DENND1B: variants seen among roughly 807,000 people sequenced by gnomAD.
The protein encoded by DENND1B is DENN domain-containing protein 1B.
In DENND1B, 59 loss-of-function variants were observed where a neutral mutation model predicts 90.1. The ratio of observed to expected loss-of-function variants is 0.65; its 90% CI spans 0.53 to 0.81. The LOEUF (loss-of-function observed/expected upper bound fraction) is 0.81, where lower values mean the gene tolerates loss of function less well. Ranked by LOEUF, DENND1B falls within the 40% of genes least tolerant of loss-of-function variation. The pLI is 0.00. For synonymous variants in DENND1B, 337 were observed against 324.6 expected (o/e 1.04, Z -0.41); for missense variants, 862 against 912.6 (o/e 0.94, Z 0.71).
At chr1:197,626,009 C>A (rs1486434710) in intron 10 of DENND1B, among the ~76,000 whole-genome samples, 3 of 152,058 alleles carry the variant, frequency 2.0e-5, no homozygotes, top group South Asian at 2.1e-4. Context: ...CAGGAGCACC[C>A]AGATTCATAA....
At chr1:197,746,219 C>T (rs1663732631) in intron 2 of DENND1B, among the ~76,000 whole-genome samples, 1 of 152,202 alleles carries the variant, frequency 6.6e-6, no homozygotes, top group East Asian at 1.9e-4. Flanking sequence ...CAGCAAAACC[C>T]GTCTCTACTA....
intron 3 of DENND1B, among the ~76,000 whole-genome samples, chr1:197,700,775 A>C (rs1192599352): frequency 6.6e-6 from 1 of 152,212 alleles, no homozygotes; most frequent in African/African-American, 2.4e-5. Context: ...AAAGTAGGCA[A>C]AGGATATCAA....
intron 2 of DENND1B, among the ~76,000 whole-genome samples, chr1:197,747,876 T>C (rs893781458): frequency 9.2e-5 from 14 of 152,240 alleles, no homozygotes; most frequent in African/African-American, 3.4e-4. Flanking sequence ...AAATTATTGA[T>C]GCTCATGTCA....
intron 10 of DENND1B, among the ~76,000 whole-genome samples, chr1:197,631,038 A>G (rs150921225): frequency 8.6e-5 from 13 of 151,978 alleles, no homozygotes; most frequent in African/African-American, 2.9e-4. Context: ...CACTAAATTT[A>G]CTCCTTTCTA....
intron 3 of DENND1B, chr1:197,689,020 T>C (rs1485606345): frequency 1.4e-5 from 3 of 215,384 alleles, no homozygotes; most frequent in Non-Finnish European, 3.0e-5. Context: ...AATACTACTA[T>C]GTGACTATCA....
chr1:197,515,355 G>C (rs978765922), intron 20 of DENND1B, among the ~76,000 whole-genome samples: 4 of 151,728 alleles, frequency 2.6e-5, no homozygotes, highest in African/African-American at 9.7e-5. Context: ...GAAATCTGCA[G>C]AGTAGCCTAA....
chr1:197,602,567 A>G (rs1252061688), intron 13 of DENND1B, among the ~76,000 whole-genome samples: 1 of 150,166 alleles, frequency 6.7e-6, no homozygotes, highest in African/African-American at 2.4e-5. Flanking sequence ...TGGAACTAAT[A>G]TAATATTCTC....
intron 15 of DENND1B, among the ~76,000 whole-genome samples, chr1:197,580,258 A>ATTTTTTTTT (rs36028786): frequency 1.1e-4 from 12 of 113,178 alleles, no homozygotes; most frequent in African/African-American, 4.1e-4. Context: ...CGCCCAGCTA[A>ATTTTTTTTT]TTTTTTTTTT....
intron 10 of DENND1B, among the ~76,000 whole-genome samples, chr1:197,624,423 A>G (rs1437793545): frequency 6.6e-6 from 1 of 151,682 alleles, no homozygotes; most frequent in Non-Finnish European, 1.5e-5. Context: ...AATTTACTCA[A>G]AATGAATCAC....
chr1:197,748,620 C>T (rs1387745072), intron 2 of DENND1B, among the ~76,000 whole-genome samples: 1 of 152,118 alleles, frequency 6.6e-6, no homozygotes, highest in Non-Finnish European at 1.5e-5. Flanking sequence ...CTATTGTGGG[C>T]TTTGAAGACA....
Position 197,595,412 on chromosome 1 carries a change from C to T in DENND1B, c.922-79G>A, listed in dbSNP as rs964319109. 4.5e-6 allele frequency: 7 copies of T among 1,557,990 alleles called. No individual in the cohort carries two copies. In the African/African-American group the frequency reaches 9.6e-5, roughly 21 times the overall value. ...GGTAGGAACCCAATCAGCAGGCAAA[C>T]CACAGTGTCTGTAGGTCAGCCAAAA... On this transcript the variant is annotated intron_variant, in intron 13 of 22. Transcript: ENST00000620048.
At chr1:197,649,098 G>A (rs1181708835) in intron 7 of DENND1B, among the ~76,000 whole-genome samples, 1 of 152,160 alleles carries the variant, frequency 6.6e-6, no homozygotes, top group Non-Finnish European at 1.5e-5. Context: ...GCAAGTTCTA[G>A]ACTAACAACA....
intron 3 of DENND1B, among the ~76,000 whole-genome samples, chr1:197,707,683 T>C (rs1440565131): frequency 6.8e-6 from 1 of 146,892 alleles, no homozygotes; most frequent in Non-Finnish European, 1.5e-5. Flanking sequence ...AATAATATAA[T>C]ATAATATAAT....
intron 14 of DENND1B, among the ~76,000 whole-genome samples, chr1:197,587,320 GA>G (rs1674788621): frequency 6.6e-6 from 1 of 152,036 alleles, no homozygotes; most frequent in African/African-American, 2.4e-5. Flanking sequence ...TAAAACAATG[GA>G]AAAGAAAATC....
chr1:197,657,717 G>C (rs1409109518), intron 6 of DENND1B, among the ~76,000 whole-genome samples: 2 of 152,098 alleles, frequency 1.3e-5, no homozygotes, highest in Admixed American at 6.5e-5. Context: ...ATTAAATGCA[G>C]AATTATCTTA....
intron 6 of DENND1B, among the ~76,000 whole-genome samples, chr1:197,655,684 A>C (rs1653739517): frequency 6.6e-6 from 1 of 152,050 alleles, no homozygotes; most frequent in Admixed American, 6.5e-5. Context: ...GGCGCCCGCC[A>C]CCACACCCGG....
chr1:197,655,481 G>A (rs189433181), intron 6 of DENND1B, among the ~76,000 whole-genome samples: 141 of 151,988 alleles, frequency 9.3e-4, no homozygotes, highest in African/African-American at 3.4e-3. Flanking sequence ...AAAGTCTCTA[G>A]AGAAGTACTT....
At chr1:197,611,294 C>G (rs192635411) in intron 12 of DENND1B, among the ~76,000 whole-genome samples, 1 of 150,884 alleles carries the variant, frequency 6.6e-6, no homozygotes, top group African/African-American at 2.4e-5. Flanking sequence ...CCAAGACCTT[C>G]CTGGAAATCT....
At chr1:197,760,947 T>A (rs1654964634) in intron 2 of DENND1B, among the ~76,000 whole-genome samples, 1 of 152,184 alleles carries the variant, frequency 6.6e-6, no homozygotes, top group South Asian at 2.1e-4. Context: ...ACTACAGTAA[T>A]CATTAAAAGT....
Sources: gnomAD v4.1 joint callset for allele counts (sites outside exome capture counted in the v4.1 genomes callset) on GRCh38, gnomAD v4.1.1 for gene constraint, MANE v1.5 for transcripts, NCBI Gene and HGNC (gene_info 2026-07-23, HGNC 2026-07-21) for gene names.